The following SELENOS variants were observed in gnomAD, a reference collection of about 807,000 sequenced individuals.
SELENOS encodes selenoprotein S.
A neutral mutation model predicts 30.2 loss-of-function variants in SELENOS; 37 were observed. The observed-to-expected ratio is 1.23, with a 90% CI of 0.94 to 1.61. The LOEUF is 1.61. Among genes scored for constraint, SELENOS ranks in the 40% most tolerant of loss-of-function variants. The pLI is 0.00. For missense variants in SELENOS, 289 were observed against 231.8 expected (o/e 1.25, Z -1.60); for synonymous variants, 119 against 91.6 (o/e 1.30, Z -1.71).
At position 101,277,329 on chromosome 15, in the gene SELENOS, C is replaced by T; in HGVS notation, c.76+13G>A. On this transcript the variant is annotated intron_variant, in intron 1 of 5. Transcript: ENST00000526049. ...AGTGGCGGCGCGCGCCCGGCTGCCC[C>T]GCAACGACTCACCCGTGGTGTGCAG... 2 of 1,510,716 alleles carry T rather than the reference C, an allele frequency of 1.3e-6. No individual in the cohort carries two copies. Among genetic ancestry groups the T allele is most frequent in the Non-Finnish European group, 1.8e-6 (2 of 1,137,124 alleles). 93.6% of individuals were successfully genotyped at this position (1,510,716 alleles called of 1,614,324 possible).
chr15:101,274,274 G>T (rs1437662368), intron 5 of SELENOS, 146 bp downstream of exon 5: 1 of 907,306 alleles, frequency 1.1e-6, no homozygotes, highest in Non-Finnish European at 1.7e-6. Context: ...GAGGTGATTT[G>T]CATCTGTTTC....
At chr15:101,274,298 T>C in intron 5 of SELENOS, 122 bp downstream of exon 5, 1 of 1,173,610 alleles carries the variant, frequency 8.5e-7, no homozygotes, top group African/African-American at 1.5e-5. Flanking sequence ...TATTGAATCT[T>C]CACAATCCTA....
At chr15:101,273,550 C>T (rs2039292798) in intron 5 of SELENOS, among the ~76,000 whole-genome samples, 1 of 152,214 alleles carries the variant, frequency 6.6e-6, no homozygotes, top group Admixed American at 6.5e-5. Context: ...CCCTGCATTC[C>T]ATCTTCTACG....
At chr15:101,276,907 T>A (rs950849898) in intron 1 of SELENOS, 42 of 551,452 alleles carry the variant, frequency 7.6e-5, no homozygotes, top group Non-Finnish European at 1.2e-4. Flanking sequence ...GCAGTTAGAG[T>A]GTGGAGGGCA....
downstream of SELENOS, chr15:101,271,137 C>T (rs541257243): frequency 2.0e-5 from 3 of 152,286 alleles, no homozygotes; most frequent in South Asian, 4.1e-4. Flanking sequence ...ACCCAGAGCC[C>T]CTCTACTCAT....
chr15:101,276,568 G>A lies in SELENOS; in HGVS notation c.184C>T (p.Gln62Ter). The change falls in exon 2 of 6, where the codon CAG becomes TAG. Residue 62 changes from glutamine (Q) to a stop codon, truncating the protein, a stop_gained. Transcript: ENST00000526049. LOFTEE classifies it high-confidence loss of function. ...SARLRALRQR[Q>*]LDRAAAAVEP... ...ACAGCAGCCGCAGCTCGGTCCAGCT[G>A]CCTCTGCCTCAAGGCTCTTAGCCGG... is the stretch of plus-strand genomic sequence containing the variant. 7 of 1,612,824 alleles carry A rather than the reference G, an allele frequency of 4.3e-6. No individual in the cohort carries two copies. The highest frequency in any genetic ancestry group is 1.7e-5 in the Admixed American group (1 of 59,644).
chr15:101,277,401 T>C lies in SELENOS; in HGVS notation c.17A>G (p.Glu6Gly), dbSNP rs759632130. The part of the protein sequence containing the change: MERQE[E>G]SLSARPALET... ...CAGGGCCGGCCGCGCGGACAGAGAC[T>C]CCTCTTGGCGTTCCATGACCGCCGC... is the stretch of plus-strand genomic sequence containing the variant. The change falls in exon 1 of 6, where the codon GAG (glutamate) becomes GGG (glycine). Residue 6 changes from glutamate to glycine, a missense_variant. Transcript: ENST00000526049. 2 of 1,491,730 alleles carry C rather than the reference T, an allele frequency of 1.3e-6. No homozygotes were observed. Among genetic ancestry groups the C allele is most frequent in the Middle Eastern group, 1.8e-4 (1 of 5,552 alleles). The allele number at this position is 1,491,730 out of a possible 1,614,324, so 92.4% of individuals were successfully genotyped here. A position where few individuals can be genotyped will look rare whatever the true frequency, so the allele number is the denominator to read the frequency against.
At chr15:101,276,845 A>C in intron 1 of SELENOS, 170 bp from the exon 2 acceptor site, 1 of 734,384 alleles carries the variant, frequency 1.4e-6, no homozygotes, top group African/African-American at 1.8e-5. Context: ...GAAGTGCGAC[A>C]ATTCAGGGAT....
downstream of SELENOS, among the ~76,000 whole-genome samples, chr15:101,271,992 T>C (rs1169676051): frequency 5.3e-5 from 8 of 152,226 alleles, no homozygotes; most frequent in East Asian, 7.7e-4. Flanking sequence ...AGAGGTCACG[T>C]AGAAACCTGG....
chr15:101,274,479 C>T lies in SELENOS; in HGVS notation c.425G>A (p.Gly142Glu), dbSNP rs1347802291. Residue 142 changes from glycine (G) to glutamate (E), a missense_variant, in exon 5 of 6, where the codon GGG becomes GAG. Transcript: ENST00000526049. ...AKKPQEEDSPGPSTSSVLKRK... is the reference protein window; with the variant it reads ...AKKPQEEDSPEPSTSSVLKRK... ...TTTCAGGACAGATGAAGTGGAAGGC[C>T]CAGGACTGTCTTCCTCCTGTTTGAA... 20 of 1,608,626 alleles carry T rather than the reference C, an allele frequency of 1.2e-5. No individual in the cohort carries two copies. The East Asian group carries it at 4.2e-4, about 34-fold the overall frequency.
Position 101,277,427 on chromosome 15 carries a change from C to CGCCGCCGCCCAGCCCT in SELENOS, c.-11_-10insAGGGCTGGGCGGCGGC, listed in dbSNP as rs2039344481. On this transcript the variant is annotated 5_prime_UTR_variant, in exon 1 of 6. Transcript: ENST00000526049. ...CCTCTTGGCGTTCCATGACCGCCGC[C>CGCCGCCGCCCAGCCCT]GCCGCCGCCGCCCAGCCCTGCCGCC... is the stretch of plus-strand genomic sequence containing the variant. The CGCCGCCGCCCAGCCCT allele has an allele frequency of 6.8e-7, 1 of 1,463,996 alleles. No individual in the cohort carries two copies. The highest frequency in any genetic ancestry group is 1.5e-5 in the African/African-American group (1 of 67,774). 90.7% of individuals were successfully genotyped at this position (1,463,996 alleles called of 1,614,324 possible).
In SELENOS at chr15:101,272,699, C is replaced by T. The variant is rs754219347; in HGVS notation, c.*72G>A. The T allele has an allele frequency of 1.3e-4, 197 of 1,470,370 alleles. No homozygotes were observed. The highest frequency in any genetic ancestry group is 1.8e-4 in the Non-Finnish European group (188 of 1,073,678). 91.1% of individuals were successfully genotyped at this position (1,470,370 alleles called of 1,614,324 possible). On this transcript the variant is annotated 3_prime_UTR_variant, in exon 6 of 6. Coordinates refer to ENST00000526049, the MANE Select transcript of SELENOS (RefSeq NM_018445.6). ...CCCCTTGGCTAGTCACTGTGAAAAG[C>T]GTGCGTAAGGCAATTGAATCGAGGG...
intron 1 of SELENOS, 105 bp downstream of exon 1, chr15:101,277,237 G>C (rs900192093): frequency 7.3e-6 from 11 of 1,508,952 alleles, no homozygotes; most frequent in Non-Finnish European, 9.8e-6. Flanking sequence ...ACCGTTCCCA[G>C]GCCTCCCAGG....
chr15:101,274,076 G>A (rs1448566209), intron 5 of SELENOS: 1 of 351,828 alleles, frequency 2.8e-6, no homozygotes, highest in African/African-American at 2.1e-5. Flanking sequence ...GCTACTCCTT[G>A]TTATTTGCAA....
intron 1 of SELENOS, chr15:101,276,911 G>C: frequency 1.8e-6 from 1 of 551,646 alleles, no homozygotes; most frequent in Non-Finnish European, 3.2e-6. Flanking sequence ...TTAGAGTGTG[G>C]AGGGCACAGC....
chr15:101,276,397 T>G, intron 2 of SELENOS, 144 bp downstream of exon 2: 1 of 1,157,024 alleles, frequency 8.6e-7, no homozygotes, highest in Non-Finnish European at 1.2e-6. Context: ...TACAGGTGCG[T>G]GCCGCCACTC....
At chr15:101,274,518 G>A (rs376166429) in intron 4 of SELENOS, 23 bp from the exon 5 acceptor site, 2 of 1,606,980 alleles carry the variant, frequency 1.2e-6, no homozygotes, top group Non-Finnish European at 1.7e-6. Context: ...ACACAGTAGT[G>A]TAAGAAGCAA....
In SELENOS at chr15:101,276,590, C is replaced by A. The variant is rs573592518; in HGVS notation, c.162G>T (p.Arg54=). The A allele has an allele frequency of 4.3e-6, 7 of 1,613,796 alleles. No homozygotes were observed. Among genetic ancestry groups the A allele is most frequent in the Middle Eastern group, 1.7e-4 (1 of 6,052 alleles). The change falls in exon 2 of 6, where the codon CGG becomes CGT. Residue 54 remains arginine, a synonymous_variant. Transcript: ENST00000526049. ...LYVVFQKLSA[R]LRALRQRQLD... is the part of the protein sequence containing the mutation. ...GCTGCCTCTGCCTCAAGGCTCTTAG[C>A]CGGGCGGAAAGCTTCTGAAAGACCA...
At chr15:101,274,085 A>C (rs921017008) in intron 5 of SELENOS, 2 of 364,130 alleles carry the variant, frequency 5.5e-6, no homozygotes, top group Non-Finnish European at 1.0e-5. Flanking sequence ...TGTTATTTGC[A>C]AGAAACAAGG....
Sources: gnomAD v4.1 joint callset for allele counts (sites outside exome capture counted in the v4.1 genomes callset) on GRCh38, gnomAD v4.1.1 for gene constraint, MANE v1.5 for transcripts, NCBI Gene and HGNC (gene_info 2026-07-23, HGNC 2026-07-21) for gene names.